Variants in PWWP2B observed in about 807,000 individuals in gnomAD.
The protein encoded by PWWP2B is PWWP domain containing 2B.
In PWWP2B, 9 loss-of-function variants were observed where a neutral mutation model predicts 15.5. The ratio of observed to expected loss-of-function variants is 0.58; its 90% CI spans 0.35 to 1.02. The LOEUF is 1.02. Among genes scored for constraint, PWWP2B ranks in the 50% least tolerant of loss-of-function variants. PWWP2B has a pLI of 0.02. For synonymous variants in PWWP2B, 474 were observed against 403.6 expected, an observed-to-expected ratio of 1.17 and a Z score of -2.09; for missense variants, 864 against 865.3, an observed-to-expected ratio of 1.00 and a Z score of 0.02.
chr10:132,415,182 C>T (rs542108099), intron 2 of PWWP2B, among the ~76,000 whole-genome samples: 2 of 152,046 alleles, frequency 1.3e-5, no homozygotes, highest in African/African-American at 4.8e-5. Flanking sequence ...GAGATCTCTC[C>T]TGTTCACTGC....
At chr10:132,401,746 C>T (rs74163905) in intron 1 of PWWP2B, among the ~76,000 whole-genome samples, 97 of 152,384 alleles carry the variant, frequency 6.4e-4, no homozygotes, top group African/African-American at 2.3e-3. Flanking sequence ...GGCACGTTCC[C>T]TGGTCTCGCT....
intron 2 of PWWP2B, among the ~76,000 whole-genome samples, chr10:132,412,682 A>G (rs2069797110): frequency 6.6e-6 from 1 of 152,080 alleles, no homozygotes; most frequent in Non-Finnish European, 1.5e-5. Context: ...TCATTTACTC[A>G]CTGGAATTCT....
rs746276887 is a variant in PWWP2B, at chr10:132,404,968, C to G, written c.468C>G (p.Ser156=). The G allele has an allele frequency of 6.3e-7, 1 of 1,585,050 alleles. No homozygotes were observed. Among genetic ancestry groups the G allele is most frequent in the South Asian group, 1.1e-5 (1 of 89,788 alleles). ...RTIKRTRRRL[S]RNRDPGRLIL... ...TCAAGCGCACGCGGCGGCGTCTGTC[C>G]CGCAACCGCGACCCGGGGCGCCTCA... Residue 156 remains serine, a synonymous_variant, in exon 2 of 3, where the codon TCC becomes TCG. Coordinates refer to ENST00000305233, the MANE Select transcript of PWWP2B (RefSeq NM_138499.4).
Position 132,404,976 on chromosome 10 carries a change from G to T in PWWP2B, c.476G>T (p.Arg159Leu). ...KRTRRRLSRN[R>L]DPGRLILSTI... ...ACGCGGCGGCGTCTGTCCCGCAACCGCGACCCGGGGCGCCTCATCCTCAGC... is the reference window on the plus strand; with the variant it reads ...ACGCGGCGGCGTCTGTCCCGCAACCTCGACCCGGGGCGCCTCATCCTCAGC... Residue 159 changes from arginine to leucine, a missense_variant, in exon 2 of 3, where the codon CGC becomes CTC. Arg to Leu is a moderately radical substitution (Grantham distance 102, BLOSUM62 -2). Transcript: ENST00000305233. 6.4e-7 allele frequency: 1 copy of T among 1,574,504 alleles called. No individual in the cohort carries two copies. Among genetic ancestry groups the T allele is most frequent in the Non-Finnish European group, 8.6e-7 (1 of 1,168,008 alleles).
intron 2 of PWWP2B, among the ~76,000 whole-genome samples, chr10:132,413,403 G>A (rs1026764233): frequency 1.3e-5 from 2 of 152,224 alleles, no homozygotes; most frequent in Admixed American, 6.5e-5. Flanking sequence ...GTCCCGGTGG[G>A]TGGTGGCAGT....
intron 2 of PWWP2B, among the ~76,000 whole-genome samples, chr10:132,408,732 G>A (rs1381165692): frequency 2.6e-5 from 4 of 152,230 alleles, no homozygotes; most frequent in Non-Finnish European, 4.4e-5. Flanking sequence ...CCACGAGATC[G>A]GCTCCGTTGC....
chr10:132,405,923 C>A lies in PWWP2B; in HGVS notation c.1423C>A (p.Gln475Lys). ...GCCCCTGACGGTCAGGCTGCACACA[C>A]AGAGCGTGTCGGAGTGCATCACGGA... ...VPPLTVRLHT[Q>K]SVSECITEDG... Residue 475 changes from glutamine (Q) to lysine (K), a missense_variant, in exon 2 of 3, where the codon CAG becomes AAG. Physicochemically the swap from Gln to Lys is moderately conservative, Grantham distance 53 (BLOSUM62 1). Transcript: ENST00000305233. 6.2e-7 allele frequency: 1 copy of A among 1,613,034 alleles called. No homozygotes were observed. Among genetic ancestry groups the A allele is most frequent in the Non-Finnish European group, 8.5e-7 (1 of 1,179,910 alleles).
At chr10:132,397,382 G>T in intron 1 of PWWP2B, 31 bp downstream of exon 1, 6 of 1,225,294 alleles carry the variant, frequency 4.9e-6, no homozygotes, top group Non-Finnish European at 6.2e-6. Context: ...GGACACCCCC[G>T]GGGTCCCCAC....
chr10:132,397,489 G>C (rs2069553006), intron 1 of PWWP2B, 138 bp downstream of exon 1: 2 of 965,360 alleles, frequency 2.1e-6, no homozygotes, highest in South Asian at 4.9e-5. Flanking sequence ...CCGAGCCTGA[G>C]TTTCGGGGCG....
intron 1 of PWWP2B, among the ~76,000 whole-genome samples, 178 bp downstream of exon 1, chr10:132,397,529 A>G (rs1325288982): frequency 6.7e-6 from 1 of 148,306 alleles, no homozygotes; most frequent in African/African-American, 2.5e-5. Flanking sequence ...CGGGGGGGCA[A>G]AAGTGGTTCT....
chr10:132,416,311 C>T (rs1193613110), intron 2 of PWWP2B, among the ~76,000 whole-genome samples: 1 of 152,164 alleles, frequency 6.6e-6, no homozygotes, highest in African/African-American at 2.4e-5. Flanking sequence ...CTTCCCCGTC[C>T]CTGTGCTCTC....
chr10:132,404,811 C>A lies in PWWP2B; in HGVS notation c.311C>A (p.Pro104His), dbSNP rs778920466. ...ACCACCCGCCCCGAGCCACCCCCGC[C>A]CCTCGTGCCGCCGCTGCCCGCCGGA... ...PETTRPEPPPPLVPPLPAGSL... is the reference protein window; with the variant it reads ...PETTRPEPPPHLVPPLPAGSL... Residue 104 changes from proline to histidine, a missense_variant, in exon 2 of 3, where the codon CCC becomes CAC. Physicochemically the swap from Pro to His is moderately conservative, Grantham distance 77. Around this residue, in one of 2 missense-constraint regions of PWWP2B, gnomAD observed 736 missense variants for 687.7 expected, o/e 1.07. Transcript: ENST00000305233. 2 of 1,551,450 alleles carry A rather than the reference C, an allele frequency of 1.3e-6. No homozygotes were observed. The highest frequency in any genetic ancestry group is 1.7e-6 in the Non-Finnish European group (2 of 1,148,390).
intron 2 of PWWP2B, among the ~76,000 whole-genome samples, chr10:132,416,505 G>T (rs1259951534): frequency 2.0e-5 from 3 of 152,106 alleles, no homozygotes; most frequent in African/African-American, 7.2e-5. Context: ...TCAGGTGGGG[G>T]GCGATGGAAG....
At chr10:132,412,377 C>T (rs1432650778) in intron 2 of PWWP2B, among the ~76,000 whole-genome samples, 1 of 152,256 alleles carries the variant, frequency 6.6e-6, no homozygotes, top group Admixed American at 6.5e-5. Context: ...GGCTTCAATG[C>T]CCTGGACAGG....
intron 1 of PWWP2B, among the ~76,000 whole-genome samples, chr10:132,397,894 C>T (rs947754934): frequency 2.0e-5 from 3 of 151,948 alleles, no homozygotes; most frequent in African/African-American, 7.3e-5. Context: ...GTCATGGGGG[C>T]GTGAAGAGGT....
At chr10:132,400,211 G>A (rs2069597883) in intron 1 of PWWP2B, among the ~76,000 whole-genome samples, 1 of 152,170 alleles carries the variant, frequency 6.6e-6, no homozygotes, top group African/African-American at 2.4e-5. Flanking sequence ...CTTGGGGAGT[G>A]AGAGGGACAC....
At chr10:132,410,117 G>C (rs1009952274) in intron 2 of PWWP2B, among the ~76,000 whole-genome samples, 1 of 151,600 alleles carries the variant, frequency 6.6e-6, no homozygotes, top group African/African-American at 2.4e-5. Context: ...TAAAAGCAGT[G>C]ACCTCCAGCT....
At position 132,417,197 on chromosome 10, in the gene PWWP2B, G is replaced by A. The variant is rs1012122011; in HGVS notation, c.*153G>A. On this transcript the variant is annotated 3_prime_UTR_variant, in exon 3 of 3. Transcript: ENST00000305233. ...CCTGGTGTGAGGCCCCCCGGGGACC[G>A]GCAGTGTGTCCAGGGAGGGGATGGC... is the stretch of plus-strand genomic sequence containing the variant. 7.0e-5 allele frequency: 79 copies of A among 1,131,484 alleles called. No homozygotes were observed. Among genetic ancestry groups the A allele is most frequent in the Middle Eastern group, 2.0e-4 (1 of 5,120 alleles). 70.1% of individuals were successfully genotyped at this position (1,131,484 alleles called of 1,614,324 possible). A position where few individuals can be genotyped will look rare whatever the true frequency, so the allele number is the denominator to read the frequency against.
intron 2 of PWWP2B, among the ~76,000 whole-genome samples, chr10:132,415,641 C>CACCCACACACA (rs2069841327): frequency 9.3e-6 from 1 of 107,480 alleles, no homozygotes; most frequent in African/African-American, 4.5e-5. Context: ...ACTCACACAC[C>CACCCACACACA]CACTCACACA....
Sources: allele counts gnomAD v4.1 joint callset (sites outside exome capture counted in the v4.1 genomes callset), GRCh38; gene constraint gnomAD v4.1.1; regional missense constraint gnomAD v4.1.1; transcripts MANE v1.5; gene names NCBI Gene and HGNC (gene_info 2026-07-23, HGNC 2026-07-21).